Variants in TAFA1 observed in about 807,000 individuals in gnomAD.
The protein encoded by TAFA1 is TAFA chemokine like family member 1.
Under a neutral mutation model 18.5 loss-of-function variants are expected in TAFA1, and 4 were observed. That is an observed-to-expected ratio of 0.22 (90% confidence interval 0.11 to 0.49). The LOEUF is 0.49. Among genes scored for constraint, TAFA1 ranks in the 20% least tolerant of loss-of-function variants. The pLI is 0.98. For missense variants in TAFA1, 147 were observed against 169.0 expected (o/e 0.87, Z 0.72); for synonymous variants, 56 against 55.2 (o/e 1.01, Z -0.06).
At chr3:68,191,556 G>C (rs1258903909) in intron 2 of TAFA1, among the ~76,000 whole-genome samples, 1 of 151,810 alleles carries the variant, frequency 6.6e-6, no homozygotes, top group African/African-American at 2.4e-5. Context: ...TAGGATTGAT[G>C]AATTGAAATA....
At chr3:68,372,264 C>A (rs561351435) in intron 2 of TAFA1, among the ~76,000 whole-genome samples, 164 of 152,196 alleles carry the variant, frequency 1.1e-3, no homozygotes, top group Admixed American at 2.7e-3. Flanking sequence ...CTGGCCAAAC[C>A]CCCAGGAATC....
intron 3 of TAFA1, among the ~76,000 whole-genome samples, chr3:68,536,310 A>G (rs541075979): frequency 1.3e-5 from 2 of 152,294 alleles, no homozygotes; most frequent in East Asian, 3.9e-4. Flanking sequence ...GAGAATTTTA[A>G]TGTGCTCCTG....
intron 2 of TAFA1, among the ~76,000 whole-genome samples, chr3:68,209,099 C>G (rs1253503611): frequency 6.6e-6 from 1 of 151,940 alleles, no homozygotes. Context: ...ATTGGCCATA[C>G]AACTGCAAGG....
At chr3:68,361,731 C>T (rs2069472759) in intron 2 of TAFA1, among the ~76,000 whole-genome samples, 2 of 151,916 alleles carry the variant, frequency 1.3e-5, no homozygotes, top group Non-Finnish European at 2.9e-5. Context: ...AGAGAACCCA[C>T]ATTTCATGAG....
intron 3 of TAFA1, among the ~76,000 whole-genome samples, chr3:68,458,282 TC>T (rs2071703526): frequency 6.6e-6 from 1 of 152,136 alleles, no homozygotes; most frequent in African/African-American, 2.4e-5. Flanking sequence ...TCCTGAGGCC[TC>T]CACAGCCATG....
intron 3 of TAFA1, among the ~76,000 whole-genome samples, chr3:68,499,610 G>C (rs896507128): frequency 6.6e-6 from 1 of 151,798 alleles, no homozygotes; most frequent in African/African-American, 2.4e-5. Flanking sequence ...CAGGCTGTGA[G>C]CCAGTGTGTG....
chr3:68,208,071 T>C (rs1424387512), intron 2 of TAFA1, among the ~76,000 whole-genome samples: 1 of 151,876 alleles, frequency 6.6e-6, no homozygotes, highest in Admixed American at 6.6e-5. Context: ...TATTTTTCAT[T>C]GTATGAAAAA....
chr3:68,530,099 G>C (rs1291856344), intron 3 of TAFA1, among the ~76,000 whole-genome samples: 2 of 152,142 alleles, frequency 1.3e-5, no homozygotes, highest in Admixed American at 1.3e-4. Flanking sequence ...ACTATGTCAT[G>C]TTCTTTATTT....
At chr3:68,393,285 A>G (rs2070301309) in intron 2 of TAFA1, among the ~76,000 whole-genome samples, 1 of 151,864 alleles carries the variant, frequency 6.6e-6, no homozygotes, top group Admixed American at 6.6e-5. Context: ...GGACACATAC[A>G]CCCTCCCAAG....
intron 3 of TAFA1, among the ~76,000 whole-genome samples, chr3:68,466,329 T>C (rs1397024664): frequency 6.6e-6 from 1 of 152,182 alleles, no homozygotes; most frequent in Non-Finnish European, 1.5e-5. Flanking sequence ...TAATCTACAG[T>C]GGGCATAGAA....
intron 2 of TAFA1, among the ~76,000 whole-genome samples, chr3:68,349,559 A>G (rs1385373530): frequency 2.0e-5 from 3 of 152,214 alleles, no homozygotes; most frequent in Non-Finnish European, 2.9e-5. Context: ...GCATTTTAAA[A>G]TTTCATAGGA....
At chr3:68,519,416 A>G (rs749289450) in intron 3 of TAFA1, among the ~76,000 whole-genome samples, 2 of 152,244 alleles carry the variant, frequency 1.3e-5, no homozygotes, top group Non-Finnish European at 2.9e-5. Flanking sequence ...CCCAGTTTAT[A>G]TTATTTTGTT....
At chr3:68,221,145 G>A (rs140390556) in intron 2 of TAFA1, among the ~76,000 whole-genome samples, 112 of 152,282 alleles carry the variant, frequency 7.4e-4, no homozygotes, top group African/African-American at 2.4e-3. Flanking sequence ...CACTGGTGCA[G>A]GAAGTGGCCT....
chr3:68,529,895 G>A (rs1235833883), intron 3 of TAFA1, among the ~76,000 whole-genome samples: 1 of 152,110 alleles, frequency 6.6e-6, no homozygotes, highest in Non-Finnish European at 1.5e-5. Context: ...CATGAACTCT[G>A]GAGAGGACAA....
chr3:68,364,874 C>G (rs771646693), intron 2 of TAFA1, among the ~76,000 whole-genome samples: 18 of 152,112 alleles, frequency 1.2e-4, no homozygotes, highest in Non-Finnish European at 1.9e-4. Flanking sequence ...GAAACTGAGG[C>G]ACAGAGAAGT....
intron 2 of TAFA1, among the ~76,000 whole-genome samples, chr3:68,374,386 G>C (rs1025046998): frequency 1.3e-5 from 2 of 152,096 alleles, no homozygotes; most frequent in Admixed American, 6.6e-5. Flanking sequence ...GGAGTGAGGG[G>C]GAGTGAGTTC....
intron 2 of TAFA1, among the ~76,000 whole-genome samples, chr3:68,072,902 C>A (rs927887157): frequency 6.6e-6 from 1 of 152,152 alleles, no homozygotes; most frequent in Non-Finnish European, 1.5e-5. Context: ...AAACATAAAG[C>A]ATTCAGATCA....
chr3:68,400,537 C>G (rs911657330), intron 2 of TAFA1, among the ~76,000 whole-genome samples: 1 of 152,122 alleles, frequency 6.6e-6, no homozygotes. Flanking sequence ...AGTAATCCTC[C>G]CAACTATAAG....
intron 3 of TAFA1, among the ~76,000 whole-genome samples, chr3:68,451,736 T>C (rs2071569590): frequency 6.6e-6 from 1 of 152,190 alleles, no homozygotes; most frequent in Non-Finnish European, 1.5e-5. Context: ...TGAGACTCTC[T>C]CCACATCATA....
Sources: allele counts gnomAD v4.1 joint callset (sites outside exome capture counted in the v4.1 genomes callset), GRCh38; gene constraint gnomAD v4.1.1; transcripts MANE v1.5; gene names NCBI Gene and HGNC (gene_info 2026-07-23, HGNC 2026-07-21).